Variants in PLEKHG6 observed in about 807,000 individuals in gnomAD.
PLEKHG6 encodes pleckstrin homology and RhoGEF domain containing G6, also known as pleckstrin homology domain-containing family G member 6.
In PLEKHG6, 91 loss-of-function variants were observed where a neutral mutation model predicts 97.5. The observed-to-expected ratio is 0.93, with a 90% CI of 0.79 to 1.11. PLEKHG6 has a LOEUF of 1.11. Ranked by LOEUF, PLEKHG6 falls within the 50% of genes most tolerant of loss-of-function variation. PLEKHG6 has a pLI of 0.00. For synonymous variants in PLEKHG6, 466 were observed against 425.5 expected (o/e 1.10, Z -1.17); for missense variants, 1,044 against 1,031.0 (o/e 1.01, Z -0.17).
At chr12:6,325,389 C>G (rs1440445178) in intron 13 of PLEKHG6, among the ~76,000 whole-genome samples, 1 of 152,216 alleles carries the variant, frequency 6.6e-6, no homozygotes, top group Admixed American at 6.5e-5. Flanking sequence ...TTCATGTTCT[C>G]CACACCACAG....
chr12:6,312,067 T>A (rs2136711780), intron 1 of PLEKHG6, 92 bp from the exon 2 acceptor site: 296 of 390,584 alleles, frequency 7.6e-4, no homozygotes, highest in Middle Eastern at 1.4e-3. Flanking sequence ...CACTATACCC[T>A]CCCTCCCAGG....
chr12:6,317,797 G>A, intron 9 of PLEKHG6, 60 bp from the exon 10 acceptor site: 2 of 1,545,094 alleles, frequency 1.3e-6, no homozygotes, highest in Non-Finnish European at 1.7e-6. Context: ...GCTGTGGCTG[G>A]CATTGGTTGG....
At chr12:6,319,721 G>T (rs1279736480) in intron 13 of PLEKHG6, 2 of 1,511,848 alleles carry the variant, frequency 1.3e-6, no homozygotes, top group Non-Finnish European at 8.8e-7. Context: ...TCTTCCATTC[G>T]CAGACATTTA....
At chr12:6,326,672 A>T in intron 14 of PLEKHG6, 99 bp downstream of exon 14, 2 of 1,186,442 alleles carry the variant, frequency 1.7e-6, no homozygotes, top group South Asian at 3.7e-5. Flanking sequence ...AATTGGGAAT[A>T]GATAGAGGAA....
chr12:6,317,581 T>A lies in PLEKHG6; in HGVS notation c.902T>A (p.Met301Lys), dbSNP rs141245660. The A allele has an allele frequency of 6.2e-7, 1 of 1,613,738 alleles. No individual in the cohort carries two copies. The highest frequency in any genetic ancestry group is 1.1e-5 in the South Asian group (1 of 91,086). ...CEKHKRSGRQ[M>K]LCDLLIKPHQ... ...AAGCACAAGCGCTCTGGGAGGCAGA[T>A]GCTCTGTGACTTGCTTATCAAGCCC... Residue 301 changes from methionine to lysine, a missense_variant, in exon 9 of 16, where the codon ATG (methionine) becomes AAG (lysine). Met to Lys is a moderately conservative substitution (Grantham distance 95, BLOSUM62 -1). Transcript: ENST00000684764.
Position 6,327,502 on chromosome 12 carries a change from C to T in PLEKHG6, c.1919C>T (p.Ala640Val), listed in dbSNP as rs748080052. 2 of 1,604,446 alleles carry T rather than the reference C, an allele frequency of 1.2e-6. No homozygotes were observed. The highest frequency in any genetic ancestry group is 8.5e-7 in the Non-Finnish European group (1 of 1,174,660). Reference sequence around the variant, plus strand: ...CGTCCCCACCCTCCCGACCCCCAAGCTCCTCAACGCCGAAGCGCCCCCGAA... The same window carrying T: ...CGTCCCCACCCTCCCGACCCCCAAGTTCCTCAACGCCGAAGCGCCCCCGAA... The part of the protein sequence containing the change: ...PLRPHPPDPQ[A>V]PQRRSAPELP... Residue 640 changes from alanine to valine, a missense_variant, in exon 15 of 16, where the codon GCT (alanine) becomes GTT (valine). Physicochemically the swap from Ala to Val is moderately conservative, Grantham distance 64 (BLOSUM62 0). Transcript: ENST00000684764.
At chr12:6,318,188 T>C (rs1947556550) in intron 10 of PLEKHG6, 113 bp from the exon 11 acceptor site, 1 of 1,528,144 alleles carries the variant, frequency 6.5e-7, no homozygotes, top group Non-Finnish European at 9.0e-7. Context: ...CTCTAGCCCA[T>C]GGGGGAAGGA....
chr12:6,327,673 C>G lies in PLEKHG6; in HGVS notation c.2090C>G (p.Ser697Cys), dbSNP rs1240921534. The change falls in exon 15 of 16, where the codon TCC becomes TGC. Residue 697 changes from serine (S) to cysteine (C), a missense_variant. Coordinates refer to ENST00000684764, the MANE Select transcript of PLEKHG6 (RefSeq NM_001384598.1). Reference protein sequence around the residue: ...RARLRGQLPSSPTHADSAGES... With the variant: ...RARLRGQLPSCPTHADSAGES... ...CGGCTTCGGGGCCAGCTTCCCTCCT[C>G]CCCAACCCATGCTGACTCTGCCGGG... The G allele has an allele frequency of 1.9e-6, 3 of 1,562,830 alleles. No homozygotes were observed. The highest frequency in any genetic ancestry group is 2.6e-6 in the Non-Finnish European group (3 of 1,150,346).
chr12:6,316,925 G>C lies in PLEKHG6; in HGVS notation c.757-378G>C, dbSNP rs1197491428. 2.0e-5 allele frequency among the ~76,000 whole-genome samples: 3 copies of C among 152,180 alleles called. No individual in the cohort carries two copies. Among genetic ancestry groups the C allele is most frequent in the Non-Finnish European group, 4.4e-5 (3 of 68,016 alleles). ...TAGGTACCCCCTCCATAGGAGCAAG[G>C]CTTCTGAGCCAACTCTTAGGTCGCC... On this transcript the variant is annotated intron_variant, in intron 7 of 15. Transcript: ENST00000684764. This position sits in a 1 kb window ranked among gnomAD's most constrained non-coding sequence, Gnocchi z 4.1.
intron 13 of PLEKHG6, among the ~76,000 whole-genome samples, chr12:6,326,052 A>T (rs1423548494): frequency 6.6e-6 from 1 of 152,196 alleles, no homozygotes; most frequent in Non-Finnish European, 1.5e-5. Context: ...TACACGTCTA[A>T]TTCCAGCACT....
rs2136731312 is a variant in PLEKHG6, at chr12:6,315,175, CCTGAAACTCACAAGGTGAGT to C, written c.459+10_459+29del. On this transcript the variant is annotated splice_region_variant and intron_variant, in intron 4 of 15. Coordinates refer to ENST00000684764, the MANE Select transcript of PLEKHG6 (RefSeq NM_001384598.1). The surrounding 1 kb of genome is among the most constrained non-coding windows in gnomAD (Gnocchi z 4.5). ...AGCTGGTGCCTGGGCACAAGGTGAG[CCTGAAACTCACAAGGTGAGT>C]CTGTCCCCACGGCGTGAATGCACAC... 1 of 1,608,314 alleles carries C rather than the reference CCTGAAACTCACAAGGTGAGT, an allele frequency of 6.2e-7. No individual in the cohort carries two copies. Among genetic ancestry groups the C allele is most frequent in the Non-Finnish European group, 8.5e-7 (1 of 1,178,252 alleles).
At chr12:6,326,597 G>C (rs188133974) in intron 14 of PLEKHG6, 24 bp downstream of exon 14, 1 of 1,441,352 alleles carries the variant, frequency 6.9e-7, no homozygotes, top group East Asian at 2.6e-5. Context: ...GGACTACAAG[G>C]TCTCCCCGAG....
chr12:6,313,157 C>A (rs184230660), intron 2 of PLEKHG6: 9 of 1,549,422 alleles, frequency 5.8e-6, no homozygotes, highest in Middle Eastern at 1.7e-4. Context: ...GGGATGCAGG[C>A]TGCACGCCCC....
At position 6,319,040 on chromosome 12, in the gene PLEKHG6, G is replaced by A. The variant is rs184437633; in HGVS notation, c.1456G>A (p.Ala486Thr). 73 of 1,614,006 alleles carry A rather than the reference G, an allele frequency of 4.5e-5. No individual in the cohort carries two copies. Among genetic ancestry groups the A allele is most frequent in the Non-Finnish European group, 4.7e-5 (56 of 1,179,944 alleles). ...HLTEFQCVSS[A>T]LLVHCPSPTD... ...CACTGAATTCCAGTGTGTCTCCAGC[G>A]CCCTCCTTGTGCACTGTCCCAGTCC... The change falls in exon 13 of 16, where the codon GCC becomes ACC. Residue 486 changes from alanine (A) to threonine (T), a missense_variant. Transcript: ENST00000684764.
In PLEKHG6 at chr12:6,315,023, G is replaced by A. The variant is rs762668696; in HGVS notation, c.313G>A (p.Glu105Lys). Reference protein sequence around the residue: ...PKLKELTKAHELEVRLHTFSM... With the variant: ...PKLKELTKAHKLEVRLHTFSM... ...CCCCCAGGAACTCACCAAGGCCCATGAGCTGGAGGTGAGGCTGCACACTTT... is the reference window on the plus strand; with the variant it reads ...CCCCCAGGAACTCACCAAGGCCCATAAGCTGGAGGTGAGGCTGCACACTTT... Residue 105 changes from glutamate to lysine, a missense_variant, in exon 4 of 16, where the codon GAG becomes AAG. Transcript: ENST00000684764. The surrounding 1 kb of genome is among the most constrained non-coding windows in gnomAD (Gnocchi z 4.5). The A allele has an allele frequency of 1.2e-6, 2 of 1,613,860 alleles. No homozygotes were observed. Among genetic ancestry groups the A allele is most frequent in the East Asian group, 4.5e-5 (2 of 44,884 alleles).
rs1947946580 is a variant in PLEKHG6 at position 6,328,266 on chromosome 12, C to T, written c.*121C>T. On this transcript the variant is annotated 3_prime_UTR_variant, in exon 16 of 16. Transcript: ENST00000684764. ...ACCACATTTCCCAAAGGAAGCCTGGCCCAGGCACCCTGCCTCCTGCTCTGT... is the reference window on the plus strand; with the variant it reads ...ACCACATTTCCCAAAGGAAGCCTGGTCCAGGCACCCTGCCTCCTGCTCTGT... 5 of 967,842 alleles carry T rather than the reference C, an allele frequency of 5.2e-6. No homozygotes were observed. Among genetic ancestry groups the T allele is most frequent in the Non-Finnish European group, 8.2e-6 (5 of 609,842 alleles). The allele number at this position is 967,842 out of a possible 1,614,324, so 60.0% of individuals were successfully genotyped here.
chr12:6,312,253 G>A lies in PLEKHG6; in HGVS notation c.27G>A (p.Glu9=), dbSNP rs768638784. The A allele has an allele frequency of 3.9e-6, 6 of 1,536,090 alleles. No homozygotes were observed. Among genetic ancestry groups the A allele is most frequent in the Non-Finnish European group, 5.2e-6 (6 of 1,148,632 alleles). MKAFGPPH[E]GPLQGLVASR... ...TGAAGGCCTTTGGTCCTCCACATGA[G>A]GGCCCCCTCCAAGGACTCGTGGCCT... Residue 9 remains glutamate, a synonymous_variant, in exon 2 of 16, where the codon GAG becomes GAA. Coordinates refer to ENST00000684764, the MANE Select transcript of PLEKHG6 (RefSeq NM_001384598.1).
At chr12:6,314,980 C>G in intron 3 of PLEKHG6, 25 bp from the exon 4 acceptor site, 3 of 1,608,866 alleles carry the variant, frequency 1.9e-6, no homozygotes, top group Non-Finnish European at 2.5e-6. Flanking sequence ...GTGACCAGAG[C>G]TGATGCCCTT....
At chr12:6,319,579 G>A (rs569614226) in intron 13 of PLEKHG6, 2 of 1,535,696 alleles carry the variant, frequency 1.3e-6, no homozygotes, top group South Asian at 1.2e-5. Context: ...AGAGAGGGAG[G>A]CAGAGCCTCC....
Sources: allele counts gnomAD v4.1 joint callset (sites outside exome capture counted in the v4.1 genomes callset), GRCh38; gene constraint gnomAD v4.1.1; non-coding constraint Gnocchi (gnomAD v3.1); transcripts MANE v1.5; gene names NCBI Gene and HGNC (gene_info 2026-07-23, HGNC 2026-07-21).